Variants in NFIA observed in about 807,000 individuals in gnomAD.
NFIA encodes the protein nuclear factor 1 A-type.
NFIA carries 8 observed loss-of-function variants against 62.8 expected under a neutral mutation model. That is an observed-to-expected ratio of 0.13 (90% CI 0.07 to 0.23). The LOEUF (loss-of-function observed/expected upper bound fraction) is 0.23, where lower values mean the gene tolerates loss of function less well. Among genes scored for constraint, NFIA ranks in the 10% least tolerant of loss-of-function variants. The pLI, the probability that NFIA is intolerant of heterozygous loss-of-function variation, is 1.00. For missense variants in NFIA, 410 were observed against 642.1 expected (o/e 0.64, Z 3.91); for synonymous variants, 235 against 238.1 (o/e 0.99, Z 0.12).
At chr1:61,135,042 C>T (rs1181793903) in intron 2 of NFIA, among the ~76,000 whole-genome samples, 12 of 152,090 alleles carry the variant, frequency 7.9e-5, no homozygotes, top group Admixed American at 7.2e-4. Flanking sequence ...CATTCTTTTC[C>T]CACATTTATT....
chr1:61,449,168 C>T (rs1315555986), intron 10 of NFIA, among the ~76,000 whole-genome samples: 4 of 152,198 alleles, frequency 2.6e-5, no homozygotes, highest in Admixed American at 2.0e-4. Flanking sequence ...ACTCTCCCGT[C>T]GGAACTGCCT....
chr1:61,190,024 T>G (rs1371818803), intron 2 of NFIA, among the ~76,000 whole-genome samples: 1 of 152,228 alleles, frequency 6.6e-6, no homozygotes, highest in Non-Finnish European at 1.5e-5. Flanking sequence ...TTAATGAAAT[T>G]AAATGTGATA....
At chr1:61,345,706 T>C (rs918979888) in intron 4 of NFIA, among the ~76,000 whole-genome samples, 1 of 152,142 alleles carries the variant, frequency 6.6e-6, no homozygotes, top group Non-Finnish European at 1.5e-5. Flanking sequence ...GGTTGCAGCC[T>C]CCTTATGAGA....
At chr1:61,111,784 A>G (rs555446734) in intron 2 of NFIA, among the ~76,000 whole-genome samples, 4 of 152,144 alleles carry the variant, frequency 2.6e-5, no homozygotes, top group Admixed American at 6.6e-5. Context: ...AGAGTGCTCA[A>G]TTCTTGTTTT....
intron 3 of NFIA, among the ~76,000 whole-genome samples, chr1:61,310,113 G>A (rs907781540): frequency 6.6e-5 from 10 of 152,092 alleles, no homozygotes; most frequent in African/African-American, 2.2e-4. Context: ...CAGTTAAGAT[G>A]TATCTCAGGT....
intron 2 of NFIA, among the ~76,000 whole-genome samples, chr1:61,219,462 C>A (rs901012532): frequency 1.3e-5 from 2 of 152,060 alleles, no homozygotes. Flanking sequence ...CACCTGTAAT[C>A]CCAACACTTT....
intron 5 of NFIA, among the ~76,000 whole-genome samples, chr1:61,354,606 G>C (rs368822303): frequency 9.2e-4 from 140 of 152,264 alleles, no homozygotes; most frequent in African/African-American, 3.1e-3. Flanking sequence ...GTGAATAGAG[G>C]AGTCTCCATT....
chr1:61,327,028 G>GA (rs869136527), intron 3 of NFIA, among the ~76,000 whole-genome samples: 119 of 85,614 alleles, frequency 1.4e-3, no homozygotes, highest in African/African-American at 2.7e-3. Context: ...CTTTTTAAAA[G>GA]AAAAAAAAAT....
intron 2 of NFIA, among the ~76,000 whole-genome samples, chr1:61,272,852 C>T (rs1175369356): frequency 6.6e-6 from 1 of 152,144 alleles, no homozygotes; most frequent in African/African-American, 2.4e-5. Flanking sequence ...ATTTCTTTCA[C>T]TAATATTTTT....
At chr1:61,233,391 A>G (rs745781498) in intron 2 of NFIA, among the ~76,000 whole-genome samples, 1 of 152,218 alleles carries the variant, frequency 6.6e-6, no homozygotes, top group Non-Finnish European at 1.5e-5. Flanking sequence ...AACTCAGTTC[A>G]TAGGTGACGG....
intron 9 of NFIA, among the ~76,000 whole-genome samples, chr1:61,410,140 C>T (rs904059774): frequency 5.9e-5 from 9 of 151,902 alleles, no homozygotes; most frequent in African/African-American, 1.9e-4. Context: ...AGGATGACAC[C>T]GGGATAAAGG....
At chr1:61,214,330 T>TAA (rs113720793) in intron 2 of NFIA, among the ~76,000 whole-genome samples, 42 of 143,712 alleles carry the variant, frequency 2.9e-4, no homozygotes, top group Middle Eastern at 3.6e-3. Flanking sequence ...GTCCTTGCAA[T>TAA]AAAAAAAAAA....
intron 2 of NFIA, among the ~76,000 whole-genome samples, chr1:61,244,646 T>G (rs1188571090): frequency 1.3e-5 from 2 of 152,342 alleles, no homozygotes; most frequent in African/African-American, 4.8e-5. Context: ...TTATTTACTT[T>G]TAAGTAGGAT....
At chr1:61,224,333 A>G (rs1654197800) in intron 2 of NFIA, among the ~76,000 whole-genome samples, 2 of 152,136 alleles carry the variant, frequency 1.3e-5, no homozygotes, top group South Asian at 4.2e-4. Flanking sequence ...TTTTTGGTGA[A>G]TTAAGATTTA....
chr1:61,081,998 C>A (rs900263374), upstream of NFIA: 40 of 1,550,264 alleles, frequency 2.6e-5, no homozygotes, highest in Non-Finnish European at 3.4e-5. Flanking sequence ...CACGCGGTGG[C>A]CCGGGGGGTG....
At chr1:61,259,600 C>T (rs527863232) in intron 2 of NFIA, among the ~76,000 whole-genome samples, 38 of 152,268 alleles carry the variant, frequency 2.5e-4, no homozygotes, top group Admixed American at 4.6e-4. Flanking sequence ...AGGATTCTGA[C>T]GTTATCTTCT....
intron 8 of NFIA, among the ~76,000 whole-genome samples, chr1:61,405,666 AT>A (rs1374605751): frequency 3.3e-5 from 5 of 152,172 alleles, no homozygotes; most frequent in Non-Finnish European, 7.4e-5. Flanking sequence ...CATTTTTGTA[AT>A]AGTCCTGACA....
At chr1:61,092,603 T>G (rs1646340019) in intron 2 of NFIA, among the ~76,000 whole-genome samples, 1 of 152,236 alleles carries the variant, frequency 6.6e-6, no homozygotes, top group Non-Finnish European at 1.5e-5. Flanking sequence ...ATTGTTCACT[T>G]AATTATGCTG....
In NFIA at chr1:61,111,306, A is replaced by G. The variant is rs574391837; in HGVS notation, c.559+22626A>G. Among the ~76,000 whole-genome samples, 3 of 152,280 alleles carry G rather than the reference A, an allele frequency of 2.0e-5. No homozygotes were observed. The South Asian group carries it at 6.2e-4, about 32-fold the overall frequency. ...ATTATTGAGAACCTACTGTGCGCTTATTCTGTACTGAGCACTCAGATCTTC... is the reference window on the plus strand; with the variant it reads ...ATTATTGAGAACCTACTGTGCGCTTGTTCTGTACTGAGCACTCAGATCTTC... On this transcript the variant is annotated intron_variant, in intron 2 of 10. Coordinates refer to ENST00000403491, the MANE Select transcript of NFIA (RefSeq NM_001134673.4).
Sources: gnomAD v4.1 joint callset for allele counts (sites outside exome capture counted in the v4.1 genomes callset) on GRCh38, gnomAD v4.1.1 for gene constraint, MANE v1.5 for transcripts, NCBI Gene and HGNC (gene_info 2026-07-23, HGNC 2026-07-21) for gene names.